FBXL17: variants seen among roughly 807,000 people sequenced by gnomAD.
FBXL17 encodes the protein F-box and leucine rich repeat protein 17.
A neutral mutation model predicts 66.2 loss-of-function variants in FBXL17; 22 were observed. The ratio of observed to expected loss-of-function variants is 0.33; its 90% CI spans 0.24 to 0.47. The LOEUF is 0.47. Among genes scored for constraint, FBXL17 ranks in the 20% least tolerant of loss-of-function variants. The pLI, the probability that FBXL17 is intolerant of heterozygous loss-of-function variation, is 1.00. For missense variants in FBXL17, 878 were observed against 948.2 expected (o/e 0.93, Z 0.97); for synonymous variants, 474 against 400.5 (o/e 1.18, Z -2.19).
chr5:107,897,886 G>C (rs1024576582), intron 7 of FBXL17, among the ~76,000 whole-genome samples: 2 of 151,334 alleles, frequency 1.3e-5, no homozygotes, highest in African/African-American at 4.9e-5. Context: ...AGAAAATCAG[G>C]AATGAGATTG....
At chr5:108,262,090 T>A (rs189423158) in intron 4 of FBXL17, among the ~76,000 whole-genome samples, 112 of 149,622 alleles carry the variant, frequency 7.5e-4, no homozygotes, top group South Asian at 2.1e-3. Context: ...TTATTTATTT[T>A]TTTTGAGACA....
intron 6 of FBXL17, among the ~76,000 whole-genome samples, chr5:108,027,568 T>C (rs1013195796): frequency 8.5e-5 from 13 of 152,108 alleles, no homozygotes; most frequent in Admixed American, 4.6e-4. Flanking sequence ...TTAGAAATAC[T>C]AAAAGATATA....
At chr5:108,322,575 A>T (rs1383808461) in intron 4 of FBXL17, among the ~76,000 whole-genome samples, 1 of 151,948 alleles carries the variant, frequency 6.6e-6, no homozygotes, top group Non-Finnish European at 1.5e-5. Context: ...GAAGATGGTG[A>T]TTGATGGGAG....
At chr5:108,298,986 A>G (rs1758464106) in intron 4 of FBXL17, 3 of 972,574 alleles carry the variant, frequency 3.1e-6, no homozygotes, top group Non-Finnish European at 3.7e-6. Flanking sequence ...GTATTAGGAG[A>G]GTATAACACT....
intron 7 of FBXL17, among the ~76,000 whole-genome samples, chr5:107,895,280 G>T (rs186093898): frequency 4.7e-4 from 71 of 152,092 alleles, no homozygotes; most frequent in African/African-American, 1.6e-3. Context: ...GTACCCTCAT[G>T]CCTGGGAAGG....
chr5:108,228,132 G>A (rs1755176469), intron 4 of FBXL17, among the ~76,000 whole-genome samples: 1 of 152,128 alleles, frequency 6.6e-6, no homozygotes, highest in Non-Finnish European at 1.5e-5. Flanking sequence ...GAATAAGATA[G>A]CTCAGAGGAG....
chr5:107,869,588 T>G (rs1748383828), intron 8 of FBXL17, among the ~76,000 whole-genome samples: 1 of 152,224 alleles, frequency 6.6e-6, no homozygotes, highest in South Asian at 2.1e-4. Flanking sequence ...GCTGACAACA[T>G]GTGCCTGCTC....
In FBXL17 at chr5:107,861,111, C is replaced by T. The variant is rs1302225082; in HGVS notation, c.*609G>A. 2.0e-5 allele frequency: 3 copies of T among 152,212 alleles called. No individual in the cohort carries two copies. The highest frequency in any genetic ancestry group is 7.2e-5 in the African/African-American group (3 of 41,456). The allele number at this position is 152,212 out of a possible 1,614,324, so 9.4% of individuals were successfully genotyped here. A position where few individuals can be genotyped will look rare whatever the true frequency, so the allele number is the denominator to read the frequency against. On this transcript the variant is annotated 3_prime_UTR_variant, in exon 9 of 9. Transcript: ENST00000542267. ...GCTTTATTCTTTCTAGTCCCCAAGTCACCCACCAGATAGCAAGTTGGCCAC... is the reference window on the plus strand; with the variant it reads ...GCTTTATTCTTTCTAGTCCCCAAGTTACCCACCAGATAGCAAGTTGGCCAC...
intron 6 of FBXL17, among the ~76,000 whole-genome samples, chr5:108,149,627 T>C (rs1178231912): frequency 6.6e-6 from 1 of 152,212 alleles, no homozygotes; most frequent in East Asian, 1.9e-4. Flanking sequence ...AAGCCTCTTC[T>C]GCTATCTTAA....
chr5:108,116,535 C>T (rs1052148718), intron 6 of FBXL17, among the ~76,000 whole-genome samples: 1 of 151,600 alleles, frequency 6.6e-6, no homozygotes, highest in Admixed American at 6.6e-5. Context: ...GTAGTCCCAG[C>T]TACTCAGAAG....
Position 108,122,256 on chromosome 5 carries a change from C to T in FBXL17, c.1745+63861G>A, listed in dbSNP as rs1750532614. On this transcript the variant is annotated intron_variant, in intron 6 of 8. Coordinates refer to ENST00000542267, the MANE Select transcript of FBXL17 (RefSeq NM_001163315.3). ...TAGATGGGATAGTCTCCATTTTAAA[C>T]ATGAAAACGCTCAGGCATACAGATA... Among the ~76,000 whole-genome samples the T allele has an allele frequency of 2.0e-5, 3 of 152,208 alleles. No individual in the cohort carries two copies. The South Asian group carries it at 6.2e-4, about 32-fold the overall frequency.
intron 4 of FBXL17, among the ~76,000 whole-genome samples, chr5:108,236,091 G>A (rs1353880947): frequency 6.6e-6 from 1 of 152,164 alleles, no homozygotes; most frequent in Non-Finnish European, 1.5e-5. Context: ...CATGCCTGTA[G>A]TCCCAGCTAC....
intron 6 of FBXL17, among the ~76,000 whole-genome samples, chr5:108,128,246 T>TA (rs36090862): frequency 0.53 from 76,668 of 145,432 alleles, 20,085 homozygotes; most frequent in South Asian, 0.77. Context: ...ACTCCATCTT[T>TA]AAAAAAAAAA....
intron 6 of FBXL17, among the ~76,000 whole-genome samples, chr5:108,068,461 G>T (rs1168988874): frequency 6.0e-4 from 84 of 138,994 alleles, no homozygotes; most frequent in Middle Eastern, 3.6e-3. Context: ...CTTTTTTTGG[G>T]GGGGGGGCGG....
intron 7 of FBXL17, among the ~76,000 whole-genome samples, chr5:107,884,125 G>A (rs535388100): frequency 1.3e-5 from 2 of 152,276 alleles, no homozygotes; most frequent in Admixed American, 6.5e-5. Flanking sequence ...TTGATGTTAC[G>A]AAGTTTATAG....
In FBXL17 at chr5:108,381,563, AG is replaced by A. The variant is rs1749938212; in HGVS notation, c.128del (p.Pro43LeufsTer315). The A allele has an allele frequency of 2.1e-6, 3 of 1,438,280 alleles. No homozygotes were observed. Among genetic ancestry groups the A allele is most frequent in the Non-Finnish European group, 2.7e-6 (3 of 1,103,894 alleles). The allele number at this position is 1,438,280 out of a possible 1,614,324, so 89.1% of individuals were successfully genotyped here. On this transcript the variant is annotated frameshift_variant, in exon 1 of 9. Coordinates refer to ENST00000542267, the MANE Select transcript of FBXL17 (RefSeq NM_001163315.3). LOFTEE classifies it high-confidence loss of function. ...CCCGGCTCCGGGGCGCCGCCGGCTG[AG>A]GGGGCACCTTGGCTGGGGTCCGGCG... is the stretch of plus-strand genomic sequence containing the variant. ...LPRRTPAKVPPQPAAPRSRDC... is the reference protein window; with the variant it reads ...LPRRTPAKVPXQPAAPRSRDC...
intron 7 of FBXL17, among the ~76,000 whole-genome samples, chr5:107,982,560 T>C (rs1752869140): frequency 6.6e-6 from 1 of 152,178 alleles, no homozygotes; most frequent in Admixed American, 6.5e-5. Context: ...ATGCAACCAT[T>C]TGCTAAAGGT....
chr5:108,131,307 T>C (rs916738947), intron 6 of FBXL17, among the ~76,000 whole-genome samples: 6 of 152,172 alleles, frequency 3.9e-5, no homozygotes, highest in Non-Finnish European at 2.9e-5. Flanking sequence ...TTGGTAATAA[T>C]ATTTTGCTAT....
chr5:107,958,179 A>G (rs1751740797), intron 7 of FBXL17, among the ~76,000 whole-genome samples: 1 of 151,900 alleles, frequency 6.6e-6, no homozygotes, highest in Non-Finnish European at 1.5e-5. Flanking sequence ...AAAAGGAGAA[A>G]AGATAGCCCA....
Sources: gnomAD v4.1 joint callset for allele counts (sites outside exome capture counted in the v4.1 genomes callset) on GRCh38, gnomAD v4.1.1 for gene constraint, MANE v1.5 for transcripts, NCBI Gene and HGNC (gene_info 2026-07-23, HGNC 2026-07-21) for gene names.